The following CTNNA3 variants were observed in gnomAD, a reference collection of about 807,000 sequenced individuals.
CTNNA3 encodes the protein catenin alpha 3.
A neutral mutation model predicts 95.7 loss-of-function variants in CTNNA3; 76 were observed. The ratio of observed to expected loss-of-function variants is 0.79; its 90% CI spans 0.66 to 0.96. The LOEUF (loss-of-function observed/expected upper bound fraction) is 0.96, where lower values mean the gene tolerates loss of function less well. CTNNA3 is among the 40% of genes least tolerant of loss of function. The pLI, the probability that CTNNA3 is intolerant of heterozygous loss-of-function variation, is 0.00. For synonymous variants in CTNNA3, 431 were observed against 374.4 expected, an observed-to-expected ratio of 1.15 and a Z score of -1.74; for missense variants, 1,191 against 1,089.8, an observed-to-expected ratio of 1.09 and a Z score of -1.31.
chr10:66,188,801 G>GCTA (rs2086486420), intron 13 of CTNNA3, among the ~76,000 whole-genome samples: 2 of 152,086 alleles, frequency 1.3e-5, no homozygotes, highest in Non-Finnish European at 2.9e-5. Flanking sequence ...TTAAGGAACA[G>GCTA]CTATACTGTT....
chr10:67,727,929 A>T lies in CTNNA3; in HGVS notation c.-2+35505T>A, dbSNP rs943112870. Among the ~76,000 whole-genome samples, 20 of 133,288 alleles carry T rather than the reference A, an allele frequency of 1.5e-4. 1 individual carries two copies. In the East Asian group the frequency reaches 4.0e-3, roughly 27 times the overall value. The allele number at this position is 133,288 out of a possible 152,430, so 87.4% of individuals were successfully genotyped here. On this transcript the variant is annotated intron_variant, in intron 1 of 17. Transcript: ENST00000684154. ...ATATTATGTATATTATATATTACAT[A>T]TTATATTATGTAGAATATAGTATGT...
At chr10:67,382,183 T>C (rs1843974146) in intron 5 of CTNNA3, among the ~76,000 whole-genome samples, 1 of 152,190 alleles carries the variant, frequency 6.6e-6, no homozygotes, top group South Asian at 2.1e-4. Flanking sequence ...TTTTCCAGGA[T>C]GTTTTATCTA....
rs530373076 is a variant in CTNNA3, at chr10:66,033,192, G to A, written c.2159+36116C>T. ...GTCACCCAGGCTGGAGTGCAGTGGC[G>A]CTATCTCGGCTCACTGCAACCTCCA... On this transcript the variant is annotated intron_variant, in intron 15 of 17. Coordinates refer to ENST00000433211, the MANE Select transcript of CTNNA3 (RefSeq NM_013266.4). 4.7e-5 allele frequency among the ~76,000 whole-genome samples: 7 copies of A among 148,078 alleles called. No individual in the cohort carries two copies. In the South Asian group the frequency reaches 6.4e-4, roughly 13 times the overall value.
intron 5 of CTNNA3, among the ~76,000 whole-genome samples, chr10:67,363,479 G>GAC (rs569506345): frequency 2.3e-4 from 35 of 151,402 alleles, no homozygotes; most frequent in East Asian, 9.7e-4. Context: ...AAAAGAAAGA[G>GAC]ACACACACAC....
At chr10:67,441,529 T>C (rs1026764715) in intron 5 of CTNNA3, among the ~76,000 whole-genome samples, 4 of 151,912 alleles carry the variant, frequency 2.6e-5, no homozygotes, top group Non-Finnish European at 5.9e-5. Flanking sequence ...ACTCCCAAAG[T>C]TCAAGGATAA....
At position 67,020,585 on chromosome 10, in the gene CTNNA3, C is replaced by A. The variant is rs1852942891; in HGVS notation, c.1047+159732G>T. Among the ~76,000 whole-genome samples the A allele has an allele frequency of 4.6e-5, 7 of 152,186 alleles. No homozygotes were observed. The South Asian group carries it at 1.2e-3, about 27-fold the overall frequency. ...TTACTAAATTTTGTTATGTCTTATC[C>A]ACTGTATTGGGCACTGTAGAGAATC... On this transcript the variant is annotated intron_variant, in intron 7 of 17. Coordinates refer to ENST00000433211, the MANE Select transcript of CTNNA3 (RefSeq NM_013266.4).
intron 5 of CTNNA3, among the ~76,000 whole-genome samples, chr10:67,373,827 T>C (rs576353387): frequency 5.3e-5 from 8 of 152,172 alleles, no homozygotes; most frequent in South Asian, 2.1e-4. Flanking sequence ...TGGGGTTGTA[T>C]AGATGAGGGC....
chr10:67,691,234 G>A (rs1293634090), intron 1 of CTNNA3, among the ~76,000 whole-genome samples: 2 of 152,122 alleles, frequency 1.3e-5, no homozygotes, highest in East Asian at 3.9e-4. Context: ...CATGATCTCG[G>A]CTCACTACAA....
chr10:67,469,797 TAATTTTA>T (rs1386513631), intron 5 of CTNNA3, among the ~76,000 whole-genome samples: 2 of 152,224 alleles, frequency 1.3e-5, no homozygotes, highest in Non-Finnish European at 2.9e-5. Context: ...CTTTAATTTT[TAATTTTA>T]ATTTTTGTGG....
intron 13 of CTNNA3, among the ~76,000 whole-genome samples, chr10:66,270,548 C>T (rs891279378): frequency 1.3e-5 from 2 of 152,024 alleles, no homozygotes; most frequent in South Asian, 2.1e-4. Context: ...TTTCATATAG[C>T]CTACATTCTT....
At chr10:67,705,863 G>C (rs1408575650) in intron 1 of CTNNA3, among the ~76,000 whole-genome samples, 2 of 151,988 alleles carry the variant, frequency 1.3e-5, no homozygotes, top group East Asian at 3.9e-4. Context: ...CGACATACAG[G>C]TTCAGTTGCC....
At chr10:67,740,506 A>G (rs1223299139) in intron 1 of CTNNA3, among the ~76,000 whole-genome samples, 1 of 151,432 alleles carries the variant, frequency 6.6e-6, no homozygotes, top group East Asian at 1.9e-4. Flanking sequence ...AAGGACATGA[A>G]CAGACACTTG....
intron 17 of CTNNA3, among the ~76,000 whole-genome samples, chr10:65,923,423 C>T (rs1033995286): frequency 2.0e-5 from 3 of 152,174 alleles, no homozygotes; most frequent in Non-Finnish European, 2.9e-5. Flanking sequence ...CTTTTAAGAG[C>T]TAATTTTATC....
intron 15 of CTNNA3, among the ~76,000 whole-genome samples, chr10:66,039,115 A>G (rs75181935): frequency 6.6e-6 from 1 of 152,226 alleles, no homozygotes; most frequent in Admixed American, 6.5e-5. Flanking sequence ...CCAAGCTGAG[A>G]GCCAAATCAG....
At chr10:66,212,743 C>T (rs1298408092) in intron 13 of CTNNA3, among the ~76,000 whole-genome samples, 1 of 152,180 alleles carries the variant, frequency 6.6e-6, no homozygotes, top group Admixed American at 6.5e-5. Flanking sequence ...GTGGCTCACA[C>T]CTATAATCCC....
chr10:66,630,773 T>C (rs1845106885), intron 9 of CTNNA3, among the ~76,000 whole-genome samples: 2 of 152,164 alleles, frequency 1.3e-5, no homozygotes, highest in Non-Finnish European at 2.9e-5. Context: ...TAATAAGAAA[T>C]GATTATGAAT....
intron 2 of CTNNA3, among the ~76,000 whole-genome samples, chr10:67,636,286 C>T (rs932349559): frequency 1.3e-5 from 2 of 152,108 alleles, no homozygotes; most frequent in East Asian, 1.9e-4. Context: ...TAAACTACCA[C>T]TGACATTCTT....
intron 17 of CTNNA3, among the ~76,000 whole-genome samples, chr10:65,933,704 C>T (rs1001712040): frequency 3.9e-5 from 6 of 152,114 alleles, no homozygotes; most frequent in African/African-American, 1.4e-4. Context: ...TTTTAATAAC[C>T]TGTCTTACCC....
intron 15 of CTNNA3, among the ~76,000 whole-genome samples, chr10:66,065,636 T>C (rs1237428417): frequency 6.6e-6 from 1 of 152,000 alleles, no homozygotes; most frequent in Non-Finnish European, 1.5e-5. Context: ...CCTTTGTATG[T>C]TACTTTTCTT....
Sources: gnomAD v4.1 joint callset for allele counts (sites outside exome capture counted in the v4.1 genomes callset) on GRCh38, gnomAD v4.1.1 for gene constraint, MANE v1.5 for transcripts, NCBI Gene and HGNC (gene_info 2026-07-23, HGNC 2026-07-21) for gene names.